Variants in CSMD3 observed in about 807,000 individuals in gnomAD.
The protein encoded by CSMD3 is CUB and sushi domain-containing protein 3.
A neutral mutation model predicts 435.2 loss-of-function variants in CSMD3; 177 were observed. The ratio of observed to expected loss-of-function variants is 0.41; its 90% CI spans 0.36 to 0.46. The LOEUF is 0.46. Among genes scored for constraint, CSMD3 ranks in the 20% least tolerant of loss-of-function variants. CSMD3 has a pLI of 0.34. For synonymous variants in CSMD3, 1,656 were observed against 1,520.5 expected (o/e 1.09, Z -2.07); for missense variants, 4,265 against 4,504.6 (o/e 0.95, Z 1.52).
At chr8:112,851,701 T>C (rs2080494037) in intron 11 of CSMD3, among the ~76,000 whole-genome samples, 1 of 151,612 alleles carries the variant, frequency 6.6e-6, no homozygotes, top group Non-Finnish European at 1.5e-5. Context: ...GAGGCGAAGG[T>C]TGCAGTGAGC....
intron 4 of CSMD3, among the ~76,000 whole-genome samples, chr8:113,125,980 T>C (rs148524092): frequency 6.6e-6 from 1 of 152,068 alleles, no homozygotes; most frequent in Admixed American, 6.6e-5. Flanking sequence ...GCATGAAAAA[T>C]AATGTTATGA....
intron 5 of CSMD3, among the ~76,000 whole-genome samples, chr8:113,067,278 G>C (rs2131387896): frequency 6.6e-6 from 1 of 152,188 alleles, no homozygotes; most frequent in African/African-American, 2.4e-5. Context: ...ACATACTACA[G>C]TGCAAGAATC....
rs913361652 is a variant in CSMD3 at position 112,497,900 on chromosome 8, G to T, written c.5084-5217C>A. 1.1e-4 allele frequency among the ~76,000 whole-genome samples: 17 copies of T among 151,922 alleles called. No individual in the cohort carries two copies. In the East Asian group the frequency reaches 1.2e-3, roughly 10 times the overall value. The stretch of plus-strand genomic sequence containing the variant: ...ATAAACAGCGGGGGTTTGAGGACCA[G>T]GTAGAAAATTAATGAGATTGGATCT... On this transcript the variant is annotated intron_variant, in intron 30 of 70. Coordinates refer to ENST00000297405, the MANE Select transcript of CSMD3 (RefSeq NM_198123.2).
intron 6 of CSMD3, among the ~76,000 whole-genome samples, chr8:113,009,274 G>C (rs1284000244): frequency 6.6e-6 from 1 of 151,668 alleles, no homozygotes; most frequent in Non-Finnish European, 1.5e-5. Context: ...TTATGTTACT[G>C]ACATTGGGAG....
intron 13 of CSMD3, among the ~76,000 whole-genome samples, chr8:112,714,360 C>T (rs2076677877): frequency 1.3e-5 from 2 of 152,058 alleles, no homozygotes; most frequent in African/African-American, 4.8e-5. Flanking sequence ...GGGATCAATT[C>T]AATATGAAGA....
chr8:112,641,419 G>T (rs976887044), intron 20 of CSMD3, among the ~76,000 whole-genome samples: 3 of 151,976 alleles, frequency 2.0e-5, no homozygotes, highest in East Asian at 3.9e-4. Flanking sequence ...TGAGGAAAAA[G>T]GTACATGAAC....
Position 112,337,668 on chromosome 8 carries a change from T to C in CSMD3, c.6716A>G (p.Asp2239Gly). The C allele has an allele frequency of 3.1e-6, 5 of 1,613,540 alleles. No individual in the cohort carries two copies. Among genetic ancestry groups the C allele is most frequent in the Non-Finnish European group, 4.2e-6 (5 of 1,179,570 alleles). The change falls in exon 43 of 71, where the codon GAT (aspartate) becomes GGT (glycine). Residue 2239 changes from aspartate to glycine, a missense_variant. By Grantham distance (94) the Asp-to-Gly change is moderately conservative (BLOSUM62 -1). Around this residue, in one of 3 missense-constraint regions of CSMD3, gnomAD observed 3,255 missense variants for 3,380.2 expected, o/e 0.96. Transcript: ENST00000297405. ...PFRNGFVIGN[D>G]FTVGQTISFE... Reference sequence around the variant, plus strand: ...TGAAATGGTTTGACCCACAGTAAAATCATTACCAATTACAAAACCATTTCG... The same window carrying C: ...TGAAATGGTTTGACCCACAGTAAAACCATTACCAATTACAAAACCATTTCG...
chr8:112,320,900 T>C, intron 45 of CSMD3, among the ~76,000 whole-genome samples: 1 of 152,154 alleles, frequency 6.6e-6, no homozygotes, highest in Non-Finnish European at 1.5e-5. Context: ...GTTTATCAAA[T>C]GTCATGTTTC....
chr8:112,647,302 CT>C (rs35978527), intron 19 of CSMD3, among the ~76,000 whole-genome samples: 3,250 of 137,090 alleles, frequency 0.024, 79 homozygotes, highest in African/African-American at 0.08. Context: ...TTTCAAATCA[CT>C]TTTTTTTTTT....
chr8:113,205,871 C>T (rs998993891), intron 3 of CSMD3, among the ~76,000 whole-genome samples: 1 of 152,082 alleles, frequency 6.6e-6, no homozygotes, highest in African/African-American at 2.4e-5. Context: ...TTTACTCTCA[C>T]TTGCTTTCAT....
chr8:112,893,572 G>C (rs1231030552), intron 10 of CSMD3, among the ~76,000 whole-genome samples: 1 of 151,460 alleles, frequency 6.6e-6, no homozygotes, highest in Non-Finnish European at 1.5e-5. Context: ...AAGTGGTGGA[G>C]CAGAGATTTA....
At chr8:112,373,005 A>AAT (rs199918042) in intron 38 of CSMD3, among the ~76,000 whole-genome samples, 31 of 132,640 alleles carry the variant, frequency 2.3e-4, no homozygotes, top group South Asian at 6.9e-4. Context: ...TATATATAAA[A>AAT]ATATATATAT....
chr8:112,863,109 C>T (rs2080872139), intron 10 of CSMD3, among the ~76,000 whole-genome samples: 1 of 151,808 alleles, frequency 6.6e-6, no homozygotes, highest in South Asian at 2.1e-4. Context: ...TAATATTAAC[C>T]CTTTTATATG....
intron 23 of CSMD3, 88 bp downstream of exon 23, chr8:112,586,978 A>G (rs7460155): frequency 0.56 from 470,383 of 845,484 alleles, 132,429 homozygotes; most frequent in African/African-American, 0.68. Context: ...ATACATACAC[A>G]TATATATATA....
At chr8:113,266,295 G>GTCA (rs1563626684) in intron 3 of CSMD3, among the ~76,000 whole-genome samples, 3 of 150,758 alleles carry the variant, frequency 2.0e-5, no homozygotes. Context: ...CCTTTTATAT[G>GTCA]TCATTATTTT....
At chr8:112,831,046 CA>C (rs2079856939) in intron 11 of CSMD3, among the ~76,000 whole-genome samples, 1 of 152,078 alleles carries the variant, frequency 6.6e-6, no homozygotes, top group Admixed American at 6.6e-5. Flanking sequence ...CTCGGCCTCC[CA>C]AAATGCTGGG....
chr8:113,060,843 G>T (rs769618581), intron 5 of CSMD3, among the ~76,000 whole-genome samples: 3 of 152,210 alleles, frequency 2.0e-5, no homozygotes, highest in Middle Eastern at 3.4e-3. Context: ...ATCAGCTGAG[G>T]TTTAGGAAAT....
intron 3 of CSMD3, among the ~76,000 whole-genome samples, chr8:113,244,265 T>C (rs1030516852): frequency 6.6e-6 from 1 of 152,188 alleles, no homozygotes; most frequent in Non-Finnish European, 1.5e-5. Flanking sequence ...CTTTTCATTA[T>C]GAGTTTTGTA....
chr8:113,020,157 G>A (rs1280536005), intron 5 of CSMD3, among the ~76,000 whole-genome samples: 32 of 125,038 alleles, frequency 2.6e-4, no homozygotes, highest in Non-Finnish European at 3.8e-4. Context: ...GCGACAGAGC[G>A]AGACTCCGTC....
Sources: allele counts gnomAD v4.1 joint callset (sites outside exome capture counted in the v4.1 genomes callset), GRCh38; gene constraint gnomAD v4.1.1; regional missense constraint gnomAD v4.1.1; transcripts MANE v1.5; gene names NCBI Gene and HGNC (gene_info 2026-07-23, HGNC 2026-07-21).